The following GSE1 variants were observed in gnomAD, a reference collection of about 807,000 sequenced individuals.
GSE1 encodes the protein genetic suppressor element 1.
A neutral mutation model predicts 112.6 loss-of-function variants in GSE1; 32 were observed. The ratio of observed to expected loss-of-function variants is 0.28; its 90% CI spans 0.21 to 0.38. The LOEUF is 0.38. Ranked by LOEUF, GSE1 falls within the 10% of genes least tolerant of loss-of-function variation. GSE1 has a pLI of 1.00. For missense variants in GSE1, 2,348 were observed against 1,699.2 expected, an observed-to-expected ratio of 1.38 and a Z score of -6.71; for synonymous variants, 1,115 against 735.6, an observed-to-expected ratio of 1.52 and a Z score of -8.35.
At chr16:85,517,093 G>A (rs1390342851) in intron 2 of GSE1, among the ~76,000 whole-genome samples, 2 of 152,176 alleles carry the variant, frequency 1.3e-5, no homozygotes, top group Admixed American at 6.5e-5. Flanking sequence ...CACCGCGCCC[G>A]GCCATGTCTT....
upstream of GSE1, among the ~76,000 whole-genome samples, chr16:85,608,093 C>T (rs892214906): frequency 6.6e-6 from 1 of 152,150 alleles, no homozygotes; most frequent in Non-Finnish European, 1.5e-5. Context: ...ATGGGAAAAG[C>T]CTTCTTGCAA....
At chr16:85,350,199 C>T (rs2046825935) in intron 1 of GSE1, among the ~76,000 whole-genome samples, 2 of 152,188 alleles carry the variant, frequency 1.3e-5, no homozygotes, top group Non-Finnish European at 2.9e-5. Flanking sequence ...TTTCCGGAGA[C>T]ATCAGCTGAG....
intron 1 of GSE1, among the ~76,000 whole-genome samples, chr16:85,183,045 G>A (rs892264059): frequency 3.9e-5 from 6 of 152,022 alleles, no homozygotes; most frequent in African/African-American, 1.2e-4. Flanking sequence ...CATCACTCCC[G>A]TGCACACTCA....
chr16:85,413,271 G>T (rs941899354), intron 2 of GSE1, among the ~76,000 whole-genome samples: 1 of 152,190 alleles, frequency 6.6e-6, no homozygotes. Flanking sequence ...CACGGGGAAC[G>T]AGGTGGGTTG....
At chr16:85,222,819 G>A (rs2075416896) in intron 1 of GSE1, among the ~76,000 whole-genome samples, 1 of 152,104 alleles carries the variant, frequency 6.6e-6, no homozygotes, top group South Asian at 2.1e-4. Context: ...GCTGCTGACG[G>A]GCCTCCTCTG....
intron 2 of GSE1, among the ~76,000 whole-genome samples, chr16:85,642,865 T>C (rs1048787284): frequency 2.0e-5 from 3 of 152,120 alleles, no homozygotes; most frequent in African/African-American, 7.2e-5. Context: ...CCATGCTCGC[T>C]GCTGGCCTGG....
intron 2 of GSE1, among the ~76,000 whole-genome samples, chr16:85,505,747 G>A (rs1029480252): frequency 4.6e-5 from 7 of 152,176 alleles, no homozygotes; most frequent in East Asian, 1.9e-4. Context: ...GGCCGGGTGC[G>A]GTAACTCACA....
At chr16:85,469,276 G>A (rs143102321) in intron 2 of GSE1, among the ~76,000 whole-genome samples, 4,143 of 152,012 alleles carry the variant, frequency 0.027, 85 homozygotes, top group Middle Eastern at 0.051. Context: ...AAGTGGGCCC[G>A]AAATTCAATG....
intron 1 of GSE1, among the ~76,000 whole-genome samples, chr16:85,324,699 G>A (rs980782683): frequency 2.6e-5 from 4 of 152,066 alleles, no homozygotes; most frequent in African/African-American, 7.2e-5. Context: ...TAAAAGGAAC[G>A]AACACAGAGG....
intron 2 of GSE1, among the ~76,000 whole-genome samples, chr16:85,461,763 C>T (rs1016067468): frequency 2.6e-5 from 4 of 152,118 alleles, no homozygotes; most frequent in African/African-American, 9.7e-5. Context: ...AGAGGCCTGG[C>T]CAGCCAGCCT....
chr16:85,606,998 C>T (rs552202911), upstream of GSE1, among the ~76,000 whole-genome samples: 26 of 142,956 alleles, frequency 1.8e-4, no homozygotes, highest in African/African-American at 6.2e-4. Flanking sequence ...CCAGAGAGTG[C>T]GTTTCCTTGC....
intron 3 of GSE1, among the ~76,000 whole-genome samples, chr16:85,653,891 C>G (rs1393902471): frequency 6.6e-6 from 1 of 152,218 alleles, no homozygotes; most frequent in Non-Finnish European, 1.5e-5. Flanking sequence ...ACGGTGTCTG[C>G]TTCCCCGGGT....
rs776662413 is a variant in GSE1 at position 85,671,049 on chromosome 16, G to T, written c.3470G>T (p.Arg1157Leu). 1.2e-6 allele frequency: 2 copies of T among 1,612,766 alleles called. No homozygotes were observed. The highest frequency in any genetic ancestry group is 1.7e-6 in the Non-Finnish European group (2 of 1,178,900). ...ACACAATGTAGACGACTGGAGGCCC[G>T]GCACTACAGCCTCAGCCTGACGGCA... The part of the protein sequence containing the change: ...LQTQCRRLEA[R>L]HYSLSLTAEQ... Residue 1157 changes from arginine (R) to leucine (L), a missense_variant, in exon 15 of 16, where the codon CGG becomes CTG. Transcript: ENST00000253458.
chr16:85,317,156 T>A (rs1300487882), intron 1 of GSE1, among the ~76,000 whole-genome samples: 1 of 152,154 alleles, frequency 6.6e-6, no homozygotes, highest in Non-Finnish European at 1.5e-5. Context: ...GCTCTGAAGA[T>A]CACGTGGGGA....
rs190972176 is a variant in GSE1, at chr16:85,290,041, C to T, written c.2284-67422C>T. Among the ~76,000 whole-genome samples the T allele has an allele frequency of 2.3e-3, 351 of 152,294 alleles. 5 individuals carry two copies. Among genetic ancestry groups the T allele is most frequent in the Non-Finnish European group, 1.9e-3 (131 of 68,022 alleles). ...GGCCGGGGAGCAGAGGTCTTGGGTGCAGAACCCAGCGGGGAAGTGAGACGA... is the reference window on the plus strand; with the variant it reads ...GGCCGGGGAGCAGAGGTCTTGGGTGTAGAACCCAGCGGGGAAGTGAGACGA... On this transcript the variant is annotated intron_variant, in intron 1 of 2. Transcript: ENST00000637419.
intron 2 of GSE1, among the ~76,000 whole-genome samples, chr16:85,637,476 C>T (rs755774532): frequency 3.3e-5 from 5 of 150,980 alleles, no homozygotes; most frequent in Non-Finnish European, 5.9e-5. Context: ...CCCTTGATTG[C>T]AGCAGTGGCT....
At chr16:85,554,825 C>A (rs2151254207), upstream of GSE1, 1 of 956,936 alleles carries the variant, frequency 1.0e-6, no homozygotes, top group Non-Finnish European at 1.2e-6. Flanking sequence ...GCGGCCAGAG[C>A]GCGGAGTTGG....
At chr16:85,638,284 G>T (rs1282123280) in intron 2 of GSE1, among the ~76,000 whole-genome samples, 1 of 152,210 alleles carries the variant, frequency 6.6e-6, no homozygotes, top group Admixed American at 6.5e-5. Context: ...GGCCCTCGCT[G>T]GGATTTATTT....
intron 1 of GSE1, among the ~76,000 whole-genome samples, chr16:85,243,086 T>A (rs1905286902): frequency 6.6e-6 from 1 of 152,224 alleles, no homozygotes; most frequent in African/African-American, 2.4e-5. Flanking sequence ...GTGCTGGGAT[T>A]ACAGGCATAA....
Sources: gnomAD v4.1 joint callset for allele counts (sites outside exome capture counted in the v4.1 genomes callset) on GRCh38, gnomAD v4.1.1 for gene constraint, MANE v1.5 for transcripts, NCBI Gene and HGNC (gene_info 2026-07-23, HGNC 2026-07-21) for gene names.